ZFAT: variants seen among roughly 807,000 people sequenced by gnomAD.
ZFAT encodes the protein zinc finger protein ZFAT.
In ZFAT, 64 loss-of-function variants were observed where a neutral mutation model predicts 117.7. That is an observed-to-expected ratio of 0.54 (90% confidence interval 0.44 to 0.67). The LOEUF is 0.67. ZFAT is among the 30% of genes least tolerant of loss of function. ZFAT has a pLI of 0.00. For synonymous variants in ZFAT, 679 were observed against 615.0 expected (o/e 1.10, Z -1.54); for missense variants, 1,433 against 1,584.5 (o/e 0.90, Z 1.62).
chr8:134,800,070 C>T, the ZFAT span, among the ~76,000 whole-genome samples: 1 of 152,166 alleles, frequency 6.6e-6, no homozygotes, highest in African/African-American at 2.4e-5. Flanking sequence ...CAGATGGCAA[C>T]AAATGTCTGA....
chr8:134,630,967 G>C (rs1829849713), intron 3 of ZFAT, among the ~76,000 whole-genome samples: 1 of 152,202 alleles, frequency 6.6e-6, no homozygotes, highest in East Asian at 1.9e-4. Context: ...TATTGTGCTT[G>C]GCAAACTAGA....
chr8:134,497,393 T>C (rs1009441978), intron 15 of ZFAT, among the ~76,000 whole-genome samples: 3 of 152,154 alleles, frequency 2.0e-5, no homozygotes, highest in Non-Finnish European at 4.4e-5. Flanking sequence ...ATGTGCAGGA[T>C]GCCCCTGCTG....
chr8:134,693,690 G>A (rs558085377), intron 1 of ZFAT, among the ~76,000 whole-genome samples: 7 of 152,252 alleles, frequency 4.6e-5, no homozygotes, highest in African/African-American at 1.7e-4. Context: ...CACCCATCAC[G>A]TAGCAGCCAT....
intron 10 of ZFAT, among the ~76,000 whole-genome samples, chr8:134,568,526 A>G (rs1824644773): frequency 6.6e-6 from 1 of 152,256 alleles, no homozygotes; most frequent in Non-Finnish European, 1.5e-5. Context: ...GTTGATAAAT[A>G]TTCTGTCATT....
At chr8:134,527,341 G>T (rs758985553) in intron 12 of ZFAT, among the ~76,000 whole-genome samples, 3 of 152,210 alleles carry the variant, frequency 2.0e-5, no homozygotes, top group Non-Finnish European at 2.9e-5. Context: ...AATCCACCAC[G>T]AAGTGTGTGG....
At chr8:134,798,527 C>T in the ZFAT span, among the ~76,000 whole-genome samples, 4 of 151,994 alleles carry the variant, frequency 2.6e-5, no homozygotes, top group Admixed American at 6.6e-5. Flanking sequence ...TGGGAGACAG[C>T]TAACTGTAAG....
chr8:134,817,436 C>A, the ZFAT span, among the ~76,000 whole-genome samples: 8 of 126,928 alleles, frequency 6.3e-5, no homozygotes, highest in African/African-American at 9.8e-5. Context: ...CACACACACA[C>A]AACGCACCCT....
chr8:134,780,830 A>G, the ZFAT span, among the ~76,000 whole-genome samples: 3 of 152,198 alleles, frequency 2.0e-5, no homozygotes, highest in African/African-American at 7.2e-5. Context: ...ATGAGCTACA[A>G]GGAAAGACCT....
At chr8:134,692,945 A>G (rs1232241616) in intron 1 of ZFAT, among the ~76,000 whole-genome samples, 1 of 152,246 alleles carries the variant, frequency 6.6e-6, no homozygotes, top group African/African-American at 2.4e-5. Flanking sequence ...CAATATGGAA[A>G]GGAGAGAGGA....
intron 10 of ZFAT, among the ~76,000 whole-genome samples, chr8:134,580,939 G>T (rs1022579678): frequency 6.6e-6 from 1 of 152,024 alleles, no homozygotes; most frequent in Non-Finnish European, 1.5e-5. Context: ...CATGGAAGAT[G>T]AAAACATAAA....
the ZFAT span, among the ~76,000 whole-genome samples, chr8:134,769,506 G>T: frequency 6.6e-6 from 1 of 152,236 alleles, no homozygotes; most frequent in Admixed American, 6.5e-5. Context: ...CTGTGGCTTT[G>T]CAGGGTACAG....
rs143682687 is a variant in ZFAT at position 134,696,794 on chromosome 8, C to T, written c.19+16051G>A. On this transcript the variant is annotated intron_variant, in intron 1 of 15. Transcript: ENST00000377838. Reference sequence around the variant, plus strand: ...GGGGTCCCTCCTAGGTCTCTGGGAGCCCGCTCCAGTCCCAGGAGGCTGCAG... The same window carrying T: ...GGGGTCCCTCCTAGGTCTCTGGGAGTCCGCTCCAGTCCCAGGAGGCTGCAG... Among the ~76,000 whole-genome samples the T allele has an allele frequency of 3.7e-3, 569 of 152,354 alleles. 9 individuals are homozygous for T. The highest frequency in any genetic ancestry group is 0.013 in the African/African-American group (532 of 41,594).
chr8:134,730,791 G>T, the ZFAT span, among the ~76,000 whole-genome samples: 1 of 152,174 alleles, frequency 6.6e-6, no homozygotes, highest in East Asian at 1.9e-4. Flanking sequence ...CCAGGATGAC[G>T]AAGGCATGCA....
chr8:134,695,067 T>G lies in ZFAT; in HGVS notation c.19+17778A>C, dbSNP rs143336020. ...CCGCAAACTGATGGGCCTCAGGGCTTCAGGGGAGGGAGCCAGGCAGGGAGA... is the reference window on the plus strand; with the variant it reads ...CCGCAAACTGATGGGCCTCAGGGCTGCAGGGGAGGGAGCCAGGCAGGGAGA... On this transcript the variant is annotated intron_variant, in intron 1 of 15. Coordinates refer to ENST00000377838, the MANE Select transcript of ZFAT (RefSeq NM_020863.4). Among the ~76,000 whole-genome samples, 727 of 152,256 alleles carry G rather than the reference T, an allele frequency of 4.8e-3. 7 individuals are homozygous for G. Among genetic ancestry groups the G allele is most frequent in the African/African-American group, 0.016 (679 of 41,566 alleles).
chr8:134,701,433 C>G (rs575196443), intron 1 of ZFAT, among the ~76,000 whole-genome samples: 2 of 152,276 alleles, frequency 1.3e-5, no homozygotes, highest in African/African-American at 4.8e-5. Context: ...AGTTTGTTCC[C>G]AAGTTTTAGC....
intron 1 of ZFAT, among the ~76,000 whole-genome samples, chr8:134,667,531 A>G (rs1436115102): frequency 7.1e-6 from 1 of 140,284 alleles, no homozygotes; most frequent in African/African-American, 2.6e-5. Flanking sequence ...ACAGGTTGAT[A>G]GGTGCAGCAA....
chr8:134,703,204 T>C (rs1056665970), intron 1 of ZFAT, among the ~76,000 whole-genome samples: 5 of 152,246 alleles, frequency 3.3e-5, no homozygotes, highest in Non-Finnish European at 7.3e-5. Context: ...AGTGGGTACG[T>C]AGTAGTGTCT....
the ZFAT span, among the ~76,000 whole-genome samples, chr8:134,805,533 G>C: frequency 6.6e-6 from 1 of 152,114 alleles, no homozygotes; most frequent in African/African-American, 2.4e-5. Context: ...GATAATAAAA[G>C]AAACTCATGA....
At position 134,610,627 on chromosome 8, in the gene ZFAT, C is replaced by A. The variant is rs1166969169; in HGVS notation, c.477G>T (p.Lys159Asn). The change falls in exon 4 of 16, where the codon AAG (lysine) becomes AAT (asparagine). Residue 159 changes from lysine (K) to asparagine (N), a missense_variant. Around this residue, in one of 5 missense-constraint regions of ZFAT, gnomAD observed 436 missense variants for 482.0 expected, o/e 0.90. Coordinates refer to ENST00000377838, the MANE Select transcript of ZFAT (RefSeq NM_020863.4). ...AGNESDLELE[K>N]KCKEDDREKA... is the part of the protein sequence containing the mutation. ...TTTCCCGATCATCTTCCTTACACTT[C>A]TTTTCTAGTTCAAGGTCAGACTCGT... is the stretch of plus-strand genomic sequence containing the variant. 1.2e-6 allele frequency: 2 copies of A among 1,614,128 alleles called. No individual in the cohort carries two copies. The highest frequency in any genetic ancestry group is 1.7e-6 in the Non-Finnish European group (2 of 1,180,020).
Sources: allele counts gnomAD v4.1 joint callset (sites outside exome capture counted in the v4.1 genomes callset), GRCh38; gene constraint gnomAD v4.1.1; regional missense constraint gnomAD v4.1.1; transcripts MANE v1.5; gene names NCBI Gene and HGNC (gene_info 2026-07-23, HGNC 2026-07-21).